Variants in RIMS1 observed in about 807,000 individuals in gnomAD.
RIMS1 encodes regulating synaptic membrane exocytosis 1.
RIMS1 carries 83 observed loss-of-function variants against 214.1 expected under a neutral mutation model. That is an observed-to-expected ratio of 0.39 (90% CI 0.32 to 0.47). RIMS1 has a LOEUF of 0.47. Ranked by LOEUF, RIMS1 falls within the 20% of genes least tolerant of loss-of-function variation. The probability of loss-of-function intolerance (pLI) is 0.99; values close to 1 mark genes in which losing one functional copy is unlikely to be tolerated. For missense variants in RIMS1, 2,050 were observed against 2,161.8 expected (o/e 0.95, Z 1.03); for synonymous variants, 793 against 786.8 (o/e 1.01, Z -0.13).
chr6:72,278,152 A>AATCTATCTATCTATCT (rs561604409), intron 23 of RIMS1, among the ~76,000 whole-genome samples: 7 of 128,252 alleles, frequency 5.5e-5, no homozygotes, highest in Non-Finnish European at 1.2e-4. Context: ...AATGGTTTTT[A>AATCTATCTATCTATCT]ATCTATCTAT....
chr6:72,368,516 G>C (rs558049659), intron 29 of RIMS1, among the ~76,000 whole-genome samples: 4 of 150,924 alleles, frequency 2.7e-5, no homozygotes, highest in African/African-American at 9.7e-5. Context: ...GGATGGTCTC[G>C]ATCTCCTGAC....
intron 1 of RIMS1, among the ~76,000 whole-genome samples, chr6:71,905,430 G>T (rs1466874817): frequency 6.6e-6 from 1 of 152,112 alleles, no homozygotes; most frequent in African/African-American, 2.4e-5. Flanking sequence ...GAGGGAAAGA[G>T]CAGGTAGAAT....
chr6:72,266,021 A>G lies in RIMS1; in HGVS notation c.3370A>G (p.Thr1124Ala), dbSNP rs1017304169. ...TAGTACCAACTGCTTGAGACCAGAT[A>G]CTAGTTTGCATTCACCAGAACGAGA... ...SASTNCLRPD[T>A]SLHSPERERG... Residue 1124 changes from threonine to alanine, a missense_variant, in exon 22 of 34, where the codon ACT becomes GCT. By Grantham distance (58) the Thr-to-Ala change is moderately conservative. Coordinates refer to ENST00000521978, the MANE Select transcript of RIMS1 (RefSeq NM_014989.7). 7 of 1,583,658 alleles carry G rather than the reference A, an allele frequency of 4.4e-6. No homozygotes were observed. The highest frequency in any genetic ancestry group is 6.0e-6 in the Non-Finnish European group (7 of 1,163,664).
rs1364679371 is a variant in RIMS1, at chr6:72,398,344, A to G, written c.4714A>G (p.Thr1572Ala). ...CACACAAAAGCCTGGTTCCAAATCT[A>G]CACCTGGTAAGGAGAAGTATTCCTG... ...SLTQKPGSKSTPAPYVKVYLL... is the reference protein window; with the variant it reads ...SLTQKPGSKSAPAPYVKVYLL... The change falls in exon 32 of 34, where the codon ACA becomes GCA. Residue 1572 changes from threonine to alanine, a missense_variant. Physicochemically the swap from Thr to Ala is moderately conservative, Grantham distance 58. Around this residue, in one of 6 missense-constraint regions of RIMS1, gnomAD observed 121 missense variants for 187.3 expected, o/e 0.65. Transcript: ENST00000521978. 1 of 1,594,416 alleles carries G rather than the reference A, an allele frequency of 6.3e-7. No individual in the cohort carries two copies.
chr6:72,288,435 T>G (rs1367024398), intron 24 of RIMS1, among the ~76,000 whole-genome samples: 1 of 152,184 alleles, frequency 6.6e-6, no homozygotes, highest in Non-Finnish European at 1.5e-5. Flanking sequence ...CAGTAAGGAA[T>G]AGCTGTTACT....
chr6:71,978,770 G>A (rs1285934543), intron 2 of RIMS1, among the ~76,000 whole-genome samples: 1 of 152,044 alleles, frequency 6.6e-6, no homozygotes, highest in Non-Finnish European at 1.5e-5. Context: ...TAATGTCACA[G>A]GCTATAGTTG....
intron 29 of RIMS1, among the ~76,000 whole-genome samples, chr6:72,338,931 C>T (rs974178156): frequency 1.3e-5 from 2 of 151,332 alleles, no homozygotes; most frequent in African/African-American, 4.9e-5. Flanking sequence ...TAAGTTCAAG[C>T]ATTTATTGAA....
intron 29 of RIMS1, among the ~76,000 whole-genome samples, chr6:72,358,207 T>C (rs951829195): frequency 6.6e-6 from 1 of 152,118 alleles, no homozygotes; most frequent in Admixed American, 6.5e-5. Flanking sequence ...GCATAGGTAC[T>C]GTAAAATATA....
chr6:72,266,050 G>A lies in RIMS1; in HGVS notation c.3398+1G>A. 1 of 1,560,128 alleles carries A rather than the reference G, an allele frequency of 6.4e-7. No homozygotes were observed. The highest frequency in any genetic ancestry group is 1.4e-5 in the African/African-American group (1 of 73,766). On this transcript the variant is annotated splice_donor_variant, in intron 22 of 33. Transcript: ENST00000521978. LOFTEE classifies it high-confidence loss of function. The stretch of plus-strand genomic sequence containing the variant: ...GTTTGCATTCACCAGAACGAGAAAG[G>A]TATAAAATAAAGACTTTCTTAATTT...
chr6:72,218,090 A>G (rs944702256), intron 6 of RIMS1, among the ~76,000 whole-genome samples: 5 of 128,126 alleles, frequency 3.9e-5, no homozygotes, highest in Non-Finnish European at 8.0e-5. Flanking sequence ...CAAGAGGTAA[A>G]TACAGCGGTT....
At chr6:72,230,294 A>G (rs2061535030) in intron 6 of RIMS1, among the ~76,000 whole-genome samples, 1 of 151,678 alleles carries the variant, frequency 6.6e-6, no homozygotes, top group Non-Finnish European at 1.5e-5. Context: ...ATGATGTTAA[A>G]AATATGCTGC....
At chr6:72,199,373 A>G (rs2496522) in intron 6 of RIMS1, among the ~76,000 whole-genome samples, 80,016 of 152,010 alleles carry the variant, frequency 0.53, 22,805 homozygotes, top group East Asian at 0.83. Flanking sequence ...CATCTATAGA[A>G]AAGGAAATTT....
chr6:72,138,333 G>A lies in RIMS1; in HGVS notation c.471+38347G>A, dbSNP rs1053526757. Among the ~76,000 whole-genome samples, 6 of 152,172 alleles carry A rather than the reference G, an allele frequency of 3.9e-5. No homozygotes were observed. In the Middle Eastern group the frequency reaches 0.01, roughly 259 times the overall value. On this transcript the variant is annotated intron_variant, in intron 4 of 33. Coordinates refer to ENST00000521978, the MANE Select transcript of RIMS1 (RefSeq NM_014989.7). ...ACGTTACAGAGTAATGCAATCATCA[G>A]TACAAACCAGTTTTAGAACATTTTA...
At chr6:71,952,679 A>G (rs1260359346) in intron 1 of RIMS1, among the ~76,000 whole-genome samples, 1 of 152,182 alleles carries the variant, frequency 6.6e-6, no homozygotes, top group Non-Finnish European at 1.5e-5. Context: ...TTTTGAAATC[A>G]CATAGCTGGA....
At chr6:71,899,485 C>T (rs576407576) in intron 1 of RIMS1, among the ~76,000 whole-genome samples, 15 of 152,012 alleles carry the variant, frequency 9.9e-5, no homozygotes, top group East Asian at 5.8e-4. Context: ...TACACACACA[C>T]ACACAAACAC....
At chr6:72,025,501 G>A (rs140467275) in intron 2 of RIMS1, among the ~76,000 whole-genome samples, 48 of 152,254 alleles carry the variant, frequency 3.2e-4, no homozygotes, top group Middle Eastern at 3.4e-3. Flanking sequence ...ACTATAATGC[G>A]ATATAAGTAA....
chr6:71,886,895 C>T lies in RIMS1; in HGVS notation c.-129C>T. The stretch of plus-strand genomic sequence containing the variant: ...GCTGCTGCTGCTGCTGCCGCCGCCG[C>T]CGCTGCTCCTCCTCCTGCCGCCGCC... On this transcript the variant is annotated 5_prime_UTR_variant, in exon 1 of 34. Coordinates refer to ENST00000521978, the MANE Select transcript of RIMS1 (RefSeq NM_014989.7). The T allele has an allele frequency of 1.9e-6, 2 of 1,037,188 alleles. No individual in the cohort carries two copies. Among genetic ancestry groups the T allele is most frequent in the Non-Finnish European group, 2.8e-6 (2 of 708,486 alleles). The allele number at this position is 1,037,188 out of a possible 1,614,324, so 64.2% of individuals were successfully genotyped here.
At position 72,102,703 on chromosome 6, in the gene RIMS1, G is replaced by T. The variant is rs79860010; in HGVS notation, c.471+2717G>T. Among the ~76,000 whole-genome samples the T allele has an allele frequency of 1.3e-4, 20 of 152,102 alleles. No individual in the cohort carries two copies. In the East Asian group the frequency reaches 2.9e-3, roughly 22 times the overall value. On this transcript the variant is annotated intron_variant, in intron 4 of 33. Transcript: ENST00000521978. ...CTGTATTATAAGGTGTTGTCTGTGG[G>T]ATGGTTGATTCTTAACAGCTTAAAA...
At chr6:72,325,763 C>T (rs2096432326) in intron 28 of RIMS1, among the ~76,000 whole-genome samples, 1 of 151,864 alleles carries the variant, frequency 6.6e-6, no homozygotes, top group Non-Finnish European at 1.5e-5. Context: ...GAGATCATTA[C>T]TTCTTAAGGT....
Sources: allele counts gnomAD v4.1 joint callset (sites outside exome capture counted in the v4.1 genomes callset), GRCh38; gene constraint gnomAD v4.1.1; regional missense constraint gnomAD v4.1.1; transcripts MANE v1.5; gene names NCBI Gene and HGNC (gene_info 2026-07-23, HGNC 2026-07-21).